AKAP9: variants seen among roughly 807,000 people sequenced by gnomAD.
AKAP9 encodes the protein A-kinase anchoring protein 9.
In AKAP9, 311 loss-of-function variants were observed where a neutral mutation model predicts 488.5. The observed-to-expected ratio is 0.64, with a 90% CI of 0.58 to 0.70. AKAP9 has a LOEUF of 0.70. AKAP9 is among the 30% of genes least tolerant of loss of function. The pLI is 0.00. For synonymous variants in AKAP9, 1,462 were observed against 1,483.5 expected (o/e 0.99, Z 0.33); for missense variants, 4,215 against 4,374.5 (o/e 0.96, Z 1.03).
intron 1 of AKAP9, among the ~76,000 whole-genome samples, chr7:91,965,970 T>C (rs1384440956): frequency 6.6e-6 from 1 of 152,236 alleles, no homozygotes; most frequent in Non-Finnish European, 1.5e-5. Context: ...AGCTATTTTC[T>C]CCCATTCTGT....
rs780409777 is a variant in AKAP9, at chr7:92,009,605, G to A, written c.3319-2824G>A. ...ATTAAAGGGAGAGAACTAGGGGGAA[G>A]AAAAGAAGGAAAGAAGAAAGGTAAG... On this transcript the variant is annotated intron_variant, in intron 8 of 49. Coordinates refer to ENST00000356239, the MANE Select transcript of AKAP9 (RefSeq NM_005751.5). 3.4e-4 allele frequency among the ~76,000 whole-genome samples: 52 copies of A among 152,080 alleles called. 1 individual carries two copies. Among genetic ancestry groups the A allele is most frequent in the Non-Finnish European group, 6.0e-4 (41 of 67,982 alleles).
intron 14 of AKAP9, among the ~76,000 whole-genome samples, chr7:92,028,595 A>T (rs1029801564): frequency 3.3e-5 from 5 of 152,120 alleles, no homozygotes; most frequent in Non-Finnish European, 5.9e-5. Flanking sequence ...AGCAGGAAAA[A>T]CCTAAACGGC....
intron 35 of AKAP9, 49 bp from the exon 36 acceptor site, chr7:92,085,446 G>T (rs199665303): frequency 3.3e-6 from 5 of 1,537,688 alleles, no homozygotes; most frequent in Admixed American, 3.3e-5. Context: ...TAATTTTTCA[G>T]TCTGTGAAGA....
At chr7:92,020,230 C>T (rs978643563) in intron 12 of AKAP9, among the ~76,000 whole-genome samples, 1 of 152,092 alleles carries the variant, frequency 6.6e-6, no homozygotes, top group African/African-American at 2.4e-5. Context: ...GCTTCATCTT[C>T]TAATATTCCT....
chr7:92,100,184 G>A (rs1563146375), intron 44 of AKAP9: 1 of 310,706 alleles, frequency 3.2e-6, no homozygotes, highest in East Asian at 7.8e-5. Flanking sequence ...TCCAAAGCCA[G>A]ATACTTTGCT....
At position 91,941,467 on chromosome 7, in the gene AKAP9, T is replaced by G. The variant is rs542359180; in HGVS notation, c.48+320T>G. Among the ~76,000 whole-genome samples, 11 of 152,348 alleles carry G rather than the reference T, an allele frequency of 7.2e-5. No individual in the cohort carries two copies. In the South Asian group the frequency reaches 2.3e-3, roughly 32 times the overall value. On this transcript the variant is annotated intron_variant, in intron 1 of 49. Transcript: ENST00000356239. The stretch of plus-strand genomic sequence containing the variant: ...TAGTTGCTTCTAAACCTCCGATCTT[T>G]CATTTTTTTAAGGAGTTTTCTGGGT...
chr7:91,957,437 A>G (rs1414335386), intron 1 of AKAP9, among the ~76,000 whole-genome samples: 1 of 152,202 alleles, frequency 6.6e-6, no homozygotes, highest in Non-Finnish European at 1.5e-5. Flanking sequence ...AAAATATGCA[A>G]CATTTTAATC....
chr7:92,050,378 A>T (rs1368460734), intron 21 of AKAP9, among the ~76,000 whole-genome samples: 1 of 152,030 alleles, frequency 6.6e-6, no homozygotes, highest in Admixed American at 6.6e-5. Flanking sequence ...TACAGGCATG[A>T]GCCACCGTGC....
Position 92,110,133 on chromosome 7 carries a change from C to CA in AKAP9, c.11700dup (p.Phe3901IlefsTer11). ...TTTTTCTCTCATAGGTTCAACTACT[C>CA]AATTTCATGCTGGCATGAGAAGATA... On this transcript the variant is annotated frameshift_variant, in exon 50 of 50. Coordinates refer to ENST00000356239, the MANE Select transcript of AKAP9 (RefSeq NM_005751.5). LOFTEE classifies it high-confidence loss of function. 6.2e-7 allele frequency: 1 copy of CA among 1,601,800 alleles called. No individual in the cohort carries two copies.
In AKAP9 at chr7:92,065,213, T is replaced by A. The variant is rs1563075992; in HGVS notation, c.5978-18T>A. ...ATTAATTGTGATTTAATTCAGTATA[T>A]TTTGTATTAATAAACAGAATTACTA... On this transcript the variant is annotated intron_variant, in intron 24 of 49. Transcript: ENST00000356239. 1 of 1,471,664 alleles carries A rather than the reference T, an allele frequency of 6.8e-7. No homozygotes were observed. The highest frequency in any genetic ancestry group is 9.5e-7 in the Non-Finnish European group (1 of 1,057,824). The allele number at this position is 1,471,664 out of a possible 1,614,324, so 91.2% of individuals were successfully genotyped here.
chr7:91,990,710 A>G (rs1190368141), intron 3 of AKAP9, among the ~76,000 whole-genome samples: 2 of 152,186 alleles, frequency 1.3e-5, no homozygotes, highest in Non-Finnish European at 2.9e-5. Context: ...GACAGTTATT[A>G]CAAACTGATA....
intron 3 of AKAP9, among the ~76,000 whole-genome samples, chr7:91,982,887 G>A (rs539372250): frequency 3.9e-5 from 6 of 152,012 alleles, no homozygotes; most frequent in Non-Finnish European, 8.8e-5. Flanking sequence ...CATTCTAACT[G>A]GTATGAGATG....
At chr7:92,102,521 A>G (rs1274650731) in intron 45 of AKAP9, 73 bp from the exon 46 acceptor site, 14 of 1,238,682 alleles carry the variant, frequency 1.1e-5, no homozygotes, top group Non-Finnish European at 1.6e-5. Flanking sequence ...GTTAAAATCT[A>G]GGTTATTTTC....
At chr7:92,040,028 G>A (rs1805809706) in intron 17 of AKAP9, among the ~76,000 whole-genome samples, 1 of 152,068 alleles carries the variant, frequency 6.6e-6, no homozygotes, top group Non-Finnish European at 1.5e-5. Context: ...CTTGTTAGGT[G>A]TTCTTCAAGA....
At chr7:92,097,406 C>G (rs1222848929) in intron 41 of AKAP9, 49 bp downstream of exon 41, 4 of 1,590,476 alleles carry the variant, frequency 2.5e-6, no homozygotes, top group Non-Finnish European at 3.4e-6. Context: ...GCACTGCAGC[C>G]CTTTGATCAT....
rs1028465036 is a variant in AKAP9 at position 92,052,143 on chromosome 7, A to G, written c.5369-583A>G. Among the ~76,000 whole-genome samples, 4 of 152,332 alleles carry G rather than the reference A, an allele frequency of 2.6e-5. No individual in the cohort carries two copies. The East Asian group carries it at 5.8e-4, about 22-fold the overall frequency. ...TCCTTTTACTGTGTAGCCAAAGCAG[A>G]TGATATTGCCCAGTGTTGGATCAAA... On this transcript the variant is annotated intron_variant, in intron 21 of 49. Coordinates refer to ENST00000356239, the MANE Select transcript of AKAP9 (RefSeq NM_005751.5).
rs578198508 is a variant in AKAP9 at position 92,008,939 on chromosome 7, T to C, written c.3319-3490T>C. On this transcript the variant is annotated intron_variant, in intron 8 of 49. Coordinates refer to ENST00000356239, the MANE Select transcript of AKAP9 (RefSeq NM_005751.5). ...AGGTGGAGTTTGCAGTGAGCTGAAATCACACCACTGCACTCCAGCCTGGCA... is the reference window on the plus strand; with the variant it reads ...AGGTGGAGTTTGCAGTGAGCTGAAACCACACCACTGCACTCCAGCCTGGCA... 1.6e-4 allele frequency among the ~76,000 whole-genome samples: 22 copies of C among 140,562 alleles called. No homozygotes were observed. The East Asian group carries it at 4.5e-3, about 29-fold the overall frequency. 92.2% of individuals were successfully genotyped at this position (140,562 alleles called of 152,430 possible).
At chr7:91,957,387 T>C (rs1283389443) in intron 1 of AKAP9, among the ~76,000 whole-genome samples, 1 of 152,184 alleles carries the variant, frequency 6.6e-6, no homozygotes, top group African/African-American at 2.4e-5. Flanking sequence ...ATTTGCTGAG[T>C]TTAGCATAAA....
At chr7:91,964,485 A>G (rs1794174263) in intron 1 of AKAP9, among the ~76,000 whole-genome samples, 1 of 152,176 alleles carries the variant, frequency 6.6e-6, no homozygotes. Context: ...AAAACATTGG[A>G]TAAATGGGTA....
Sources: gnomAD v4.1 joint callset for allele counts (sites outside exome capture counted in the v4.1 genomes callset) on GRCh38, gnomAD v4.1.1 for gene constraint, MANE v1.5 for transcripts, NCBI Gene and HGNC (gene_info 2026-07-23, HGNC 2026-07-21) for gene names.